The following RANBP2 variants were observed in gnomAD, a reference collection of about 807,000 sequenced individuals.
RANBP2 encodes the protein E3 SUMO-protein ligase RanBP2.
In RANBP2, 57 loss-of-function variants were observed where a neutral mutation model predicts 303.6. The ratio of observed to expected loss-of-function variants is 0.19; its 90% CI spans 0.15 to 0.23. The LOEUF (loss-of-function observed/expected upper bound fraction) is 0.23, where lower values mean the gene tolerates loss of function less well. RANBP2 is among the 10% of genes least tolerant of loss of function. The pLI, the probability that RANBP2 is intolerant of heterozygous loss-of-function variation, is 1.00. For missense variants in RANBP2, 3,138 were observed against 3,780.8 expected, an observed-to-expected ratio of 0.83 and a Z score of 4.46; for synonymous variants, 1,167 against 1,301.5, an observed-to-expected ratio of 0.90 and a Z score of 2.23.
chr2:109,303,136 A>C, the RANBP2 span, among the ~76,000 whole-genome samples: 4 of 152,136 alleles, frequency 2.6e-5, no homozygotes, highest in African/African-American at 9.7e-5. Context: ...TCAGCCTCAC[A>C]AGGTGCTAGG....
chr2:109,549,270 A>G, the RANBP2 span, among the ~76,000 whole-genome samples: 7 of 152,246 alleles, frequency 4.6e-5, no homozygotes, highest in Admixed American at 1.3e-4. Context: ...TCACATGACT[A>G]GAGATAGCTC....
the RANBP2 span, among the ~76,000 whole-genome samples, chr2:108,816,284 C>G: frequency 1.3e-5 from 2 of 152,094 alleles, no homozygotes; most frequent in South Asian, 4.2e-4. Flanking sequence ...AACCCCGTCT[C>G]TACTAAAAAT....
the RANBP2 span, among the ~76,000 whole-genome samples, chr2:108,821,558 CA>C: frequency 2.6e-5 from 4 of 151,776 alleles, no homozygotes; most frequent in South Asian, 8.3e-4. Context: ...GTAACACACA[CA>C]AAAATCAGTG....
the RANBP2 span, among the ~76,000 whole-genome samples, chr2:109,201,477 ATCTC>A: frequency 5.0e-4 from 75 of 151,038 alleles, no homozygotes; most frequent in African/African-American, 1.7e-3. Flanking sequence ...TCTCTCTCTT[ATCTC>A]TCTCTCCCCC....
the RANBP2 span, chr2:109,593,104 T>G: frequency 1.9e-6 from 3 of 1,600,290 alleles, no homozygotes; most frequent in Non-Finnish European, 2.6e-6. Flanking sequence ...TTCGTTGCCA[T>G]GTGAGACTGA....
chr2:109,089,393 G>A, the RANBP2 span, among the ~76,000 whole-genome samples: 8 of 151,830 alleles, frequency 5.3e-5, no homozygotes, highest in African/African-American at 1.5e-4. Context: ...GTTTGAGCCC[G>A]GGAATTTCAC....
chr2:109,476,418 G>C, the RANBP2 span, among the ~76,000 whole-genome samples: 13 of 152,306 alleles, frequency 8.5e-5, no homozygotes, highest in African/African-American at 2.9e-4. Context: ...GAGGTACTGG[G>C]TAGCCCCAGG....
At chr2:109,761,675 G>T in the RANBP2 span, among the ~76,000 whole-genome samples, 15 of 147,460 alleles carry the variant, frequency 1.0e-4, no homozygotes, top group Non-Finnish European at 2.1e-4. Flanking sequence ...TCTCTTAAAT[G>T]TTTCCAACCA....
chr2:109,534,478 C>A, the RANBP2 span, among the ~76,000 whole-genome samples: 1 of 152,164 alleles, frequency 6.6e-6, no homozygotes, highest in Non-Finnish European at 1.5e-5. Flanking sequence ...TCAGCCAATG[C>A]TATTGAAATG....
intron 1 of RANBP2, among the ~76,000 whole-genome samples, chr2:108,728,204 T>C (rs527816214): frequency 6.6e-6 from 1 of 152,112 alleles, no homozygotes; most frequent in South Asian, 2.1e-4. Flanking sequence ...AGTGAGAGAG[T>C]GGTACCACAG....
chr2:108,843,626 T>G, the RANBP2 span, among the ~76,000 whole-genome samples: 1 of 152,208 alleles, frequency 6.6e-6, no homozygotes. Flanking sequence ...TGGTTTCTGA[T>G]AAGAAATCTG....
At chr2:108,816,318 G>C in the RANBP2 span, among the ~76,000 whole-genome samples, 1 of 152,060 alleles carries the variant, frequency 6.6e-6, no homozygotes, top group African/African-American at 2.4e-5. Flanking sequence ...GGGCATTTTG[G>C]CACGTGCCTG....
chr2:108,873,954 A>G, the RANBP2 span, among the ~76,000 whole-genome samples: 2 of 152,170 alleles, frequency 1.3e-5, no homozygotes, highest in African/African-American at 4.8e-5. Flanking sequence ...ATTAAGATTC[A>G]TAAATACTAA....
the RANBP2 span, among the ~76,000 whole-genome samples, chr2:109,334,863 C>T: frequency 6.6e-6 from 1 of 152,212 alleles, no homozygotes; most frequent in Non-Finnish European, 1.5e-5. Flanking sequence ...AGGTGGACTA[C>T]ATATTTGTGG....
the RANBP2 span, among the ~76,000 whole-genome samples, chr2:109,176,326 A>G: frequency 6.6e-6 from 1 of 152,198 alleles, no homozygotes; most frequent in Non-Finnish European, 1.5e-5. Flanking sequence ...GGCTGGAAGG[A>G]GGTGTTTTGA....
At chr2:109,147,553 G>A in the RANBP2 span, among the ~76,000 whole-genome samples, 5 of 152,170 alleles carry the variant, frequency 3.3e-5, no homozygotes, top group South Asian at 2.1e-4. Flanking sequence ...ACATAGTACC[G>A]TAAATGGTCC....
At chr2:109,386,799 G>C in the RANBP2 span, among the ~76,000 whole-genome samples, 1,016 of 152,216 alleles carry the variant, frequency 6.7e-3, 13 homozygotes, top group African/African-American at 0.023. Context: ...GAAACATCAT[G>C]CTCTTAAAAA....
At chr2:109,347,557 G>T in the RANBP2 span, 2 of 1,386,632 alleles carry the variant, frequency 1.4e-6, no homozygotes, top group African/African-American at 1.5e-5. Context: ...GGGGCACTCT[G>T]TATGCACCCC....
the RANBP2 span, among the ~76,000 whole-genome samples, chr2:109,388,186 A>T: frequency 6.6e-6 from 1 of 152,086 alleles, no homozygotes; most frequent in Non-Finnish European, 1.5e-5. Flanking sequence ...ATACTTTGTC[A>T]CTTTCTATGG....
Sources: gnomAD v4.1 joint callset for allele counts (sites outside exome capture counted in the v4.1 genomes callset) on GRCh38, gnomAD v4.1.1 for gene constraint, MANE v1.5 for transcripts, NCBI Gene and HGNC (gene_info 2026-07-23, HGNC 2026-07-21) for gene names.